The following NEK5 variants were observed in gnomAD, a reference collection of about 807,000 sequenced individuals.
NEK5 encodes serine/threonine-protein kinase Nek5.
A neutral mutation model predicts 109.2 loss-of-function variants in NEK5; 88 were observed. The observed-to-expected ratio is 0.81, with a 90% CI of 0.68 to 0.96. The LOEUF is 0.96. NEK5 is among the 40% of genes least tolerant of loss of function. NEK5 has a pLI of 0.00. For synonymous variants in NEK5, 283 were observed against 299.9 expected (o/e 0.94, Z 0.58); for missense variants, 834 against 920.7 (o/e 0.91, Z 1.22).
In NEK5 at chr13:52,080,265, TG is replaced by T. The variant is rs1277484357; in HGVS notation, c.1572+2994del. On this transcript the variant is annotated intron_variant, in intron 17 of 23. Transcript: ENST00000684899. The stretch of plus-strand genomic sequence containing the variant: ...CCAGCCGCCCCATCCGGGAGGGAGG[TG>T]GGGGGGGGTCAGCCCCCCGCCCGGC... 9.1e-3 allele frequency among the ~76,000 whole-genome samples: 949 copies of T among 104,152 alleles called. 17 individuals carry two copies. The highest frequency in any genetic ancestry group is 0.031 in the African/African-American group (857 of 27,586). 68.3% of individuals were successfully genotyped at this position (104,152 alleles called of 152,430 possible).
intron 14 of NEK5, 121 bp from the exon 15 acceptor site, chr13:52,087,575 GT>G (rs1001574745): frequency 1.2e-4 from 65 of 520,642 alleles, no homozygotes; most frequent in South Asian, 3.0e-4. Flanking sequence ...GTATTTGGGA[GT>G]TTTTTTTGTG....
At chr13:52,046,915 A>C (rs200081711) in intron 23 of NEK5, among the ~76,000 whole-genome samples, 2 of 152,324 alleles carry the variant, frequency 1.3e-5, no homozygotes, top group East Asian at 3.9e-4. Context: ...AAATCAATAC[A>C]ATGTTAATAC....
At chr13:52,065,951 G>T (rs939578217) in intron 20 of NEK5, among the ~76,000 whole-genome samples, 1 of 151,680 alleles carries the variant, frequency 6.6e-6, no homozygotes, top group Non-Finnish European at 1.5e-5. Flanking sequence ...AAAATAACTT[G>T]TTCTGTCTTT....
rs1954349798 is a variant in NEK5, at chr13:52,035,236, A to C, written c.*1712T>G. The C allele has an allele frequency of 6.6e-6, 1 of 152,004 alleles. No homozygotes were observed. 9.4% of individuals were successfully genotyped at this position (152,004 alleles called of 1,614,324 possible). A position where few individuals can be genotyped will look rare whatever the true frequency, so the allele number is the denominator to read the frequency against. On this transcript the variant is annotated 3_prime_UTR_variant, in exon 24 of 24. Coordinates refer to ENST00000684899, the MANE Select transcript of NEK5 (RefSeq NM_001365552.1). ...CACCAAGTTGAAAGAACAGTCTGTCAAACATCAGGAAATAGTCACAAAAAA... is the reference window on the plus strand; with the variant it reads ...CACCAAGTTGAAAGAACAGTCTGTCCAACATCAGGAAATAGTCACAAAAAA...
chr13:52,054,474 G>A (rs898592957), intron 22 of NEK5, among the ~76,000 whole-genome samples: 3 of 152,170 alleles, frequency 2.0e-5, no homozygotes, highest in African/African-American at 7.2e-5. Context: ...GCATGAGCCT[G>A]GCCAGGTAGA....
intron 23 of NEK5, among the ~76,000 whole-genome samples, chr13:52,039,895 T>C (rs572942891): frequency 1.3e-5 from 2 of 152,164 alleles, no homozygotes; most frequent in Admixed American, 1.3e-4. Flanking sequence ...TGTGATAGTA[T>C]TAAGGGGTGG....
chr13:52,102,147 G>T lies in NEK5; in HGVS notation c.755C>A (p.Ser252Tyr), dbSNP rs530111977. The T allele has an allele frequency of 6.2e-7, 1 of 1,613,994 alleles. No homozygotes were observed. Among genetic ancestry groups the T allele is most frequent in the Admixed American group, 1.7e-5 (1 of 60,018 alleles). Residue 252 changes from serine to tyrosine, a missense_variant, in exon 10 of 24, where the codon TCC (serine) becomes TAC (tyrosine). Coordinates refer to ENST00000684899, the MANE Select transcript of NEK5 (RefSeq NM_001365552.1). ...VSPRDRPSINSILKRPFLENL... is the reference protein window; with the variant it reads ...VSPRDRPSINYILKRPFLENL... ...CTCTAAAAAGGGCCTTTTCAAAATGGAATTTATGGATGGTCGGTCTCGAGG... is the reference window on the plus strand; with the variant it reads ...CTCTAAAAAGGGCCTTTTCAAAATGTAATTTATGGATGGTCGGTCTCGAGG...
intron 9 of NEK5, among the ~76,000 whole-genome samples, chr13:52,104,254 C>T (rs113087378): frequency 3.2e-4 from 49 of 152,280 alleles, no homozygotes; most frequent in African/African-American, 4.6e-4. Context: ...TGAGCCACCA[C>T]GCCAAGCCCA....
chr13:52,056,198 G>C (rs1048078892), intron 22 of NEK5, among the ~76,000 whole-genome samples: 2 of 151,866 alleles, frequency 1.3e-5, no homozygotes, highest in Non-Finnish European at 2.9e-5. Context: ...AAGAGACAAA[G>C]AAGGCCATTA....
At chr13:52,065,662 T>C in intron 20 of NEK5, 53 bp from the exon 21 acceptor site, 1 of 1,353,462 alleles carries the variant, frequency 7.4e-7, no homozygotes, top group Non-Finnish European at 1.1e-6. Flanking sequence ...GTGTGACTAA[T>C]TGTCCCAAAC....
At chr13:52,082,033 C>T (rs1955022245) in intron 17 of NEK5, among the ~76,000 whole-genome samples, 1 of 152,136 alleles carries the variant, frequency 6.6e-6, no homozygotes. Context: ...AATAATAATT[C>T]GCTCAGGCGG....
chr13:52,092,624 G>A (rs150842841), intron 13 of NEK5, among the ~76,000 whole-genome samples: 132 of 152,306 alleles, frequency 8.7e-4, no homozygotes, highest in African/African-American at 3.1e-3. Flanking sequence ...GGTGGCTCAT[G>A]CCTGTAATCC....
chr13:52,110,354 T>A lies in NEK5; in HGVS notation c.453A>T (p.Ala151=). ...AAAGTACTTACTTATTCAGGACTCT[T>A]GCTATACCAAAGTCCCCAAGCTTTG... is the stretch of plus-strand genomic sequence containing the variant. ...MVAKLGDFGI[A]RVLNNSMELA... The change falls in exon 7 of 24, where the codon GCA becomes GCT. Residue 151 remains alanine, a synonymous_variant. Transcript: ENST00000684899. The A allele has an allele frequency of 1.2e-6, 2 of 1,610,626 alleles. No homozygotes were observed. Among genetic ancestry groups the A allele is most frequent in the Non-Finnish European group, 1.7e-6 (2 of 1,176,880 alleles).
Position 52,065,551 on chromosome 13 carries a change from C to A in NEK5, c.1908G>T (p.Ala636=). 6.2e-7 allele frequency: 1 copy of A among 1,613,996 alleles called. No individual in the cohort carries two copies. ...CCATCATCTGCAGCAGAGTCTGAGG[C>A]GCTCCTCCATCCCACTGCCTCCTGT... ...VGNRRQWDGG[A]PQTLLQMMAV... Residue 636 remains alanine, a synonymous_variant, in exon 21 of 24, where the codon GCG becomes GCT. Transcript: ENST00000684899.
chr13:52,042,405 G>C (rs1425050712), intron 23 of NEK5, among the ~76,000 whole-genome samples: 1 of 150,174 alleles, frequency 6.7e-6, no homozygotes. Flanking sequence ...TAATATTTTT[G>C]TTTGAAAAAA....
At position 52,093,148 on chromosome 13, in the gene NEK5, C is replaced by T. The variant is rs1454792695; in HGVS notation, c.1114G>A (p.Ala372Thr). 4 of 1,613,056 alleles carry T rather than the reference C, an allele frequency of 2.5e-6. No homozygotes were observed. Among genetic ancestry groups the T allele is most frequent in the Non-Finnish European group, 2.5e-6 (3 of 1,179,076 alleles). Reference protein sequence around the residue: ...YAQLDMLRRRAHKPSYHPIPQ... With the variant: ...YAQLDMLRRRTHKPSYHPIPQ... ...ATAGGGTGATAACTTGGTTTGTGGG[C>T]TCTCCTCCTCAGCATATCAAGTTGA... Residue 372 changes from alanine (A) to threonine (T), a missense_variant, in exon 13 of 24, where the codon GCC becomes ACC. This residue lies in a region of NEK5 where 777 missense variants were observed against 824.7 expected (regional missense o/e 0.94). Transcript: ENST00000684899.
intron 20 of NEK5, among the ~76,000 whole-genome samples, chr13:52,070,640 T>C (rs562404414): frequency 5.3e-5 from 8 of 152,344 alleles, no homozygotes; most frequent in African/African-American, 1.7e-4. Context: ...TCCCCAGCCA[T>C]GTGGAACTGT....
intron 4 of NEK5, among the ~76,000 whole-genome samples, chr13:52,118,475 G>T (rs1955903483): frequency 6.6e-6 from 1 of 152,060 alleles, no homozygotes; most frequent in African/African-American, 2.4e-5. Flanking sequence ...AACAATGCCT[G>T]GCATAGAGTA....
At chr13:52,127,299 T>C in intron 3 of NEK5, 67 bp downstream of exon 3, 1 of 859,144 alleles carries the variant, frequency 1.2e-6, no homozygotes, top group Non-Finnish European at 1.9e-6. Context: ...AATTTCCTTT[T>C]TATATTGGAT....
Sources: gnomAD v4.1 joint callset for allele counts (sites outside exome capture counted in the v4.1 genomes callset) on GRCh38, gnomAD v4.1.1 for gene constraint, gnomAD v4.1.1 regional missense constraint, MANE v1.5 for transcripts, NCBI Gene and HGNC (gene_info 2026-07-23, HGNC 2026-07-21) for gene names.